Variants in MRPS28 observed in about 807,000 individuals in gnomAD.
MRPS28 encodes mitochondrial ribosomal protein S28, also known as small ribosomal subunit protein bS1m.
Under a neutral mutation model 10.8 loss-of-function variants are expected in MRPS28, and 7 were observed. The observed-to-expected ratio is 0.65, with a 90% confidence interval of 0.37 to 1.22. The LOEUF is 1.22. Ranked by LOEUF, MRPS28 falls within the 50% of genes most tolerant of loss-of-function variation. The pLI is 0.02. For missense variants in MRPS28, 265 were observed against 232.9 expected (o/e 1.14, Z -0.90); for synonymous variants, 121 against 93.3 (o/e 1.30, Z -1.71).
At chr8:79,974,181 A>G (rs1170341082) in intron 2 of MRPS28, among the ~76,000 whole-genome samples, 2 of 152,184 alleles carry the variant, frequency 1.3e-5, no homozygotes, top group African/African-American at 4.8e-5. Flanking sequence ...TTTTGACAGT[A>G]CACCGAAGAA....
intron 2 of MRPS28, chr8:79,957,075 T>C (rs564342981): frequency 6.6e-6 from 1 of 152,310 alleles, no homozygotes; most frequent in South Asian, 2.1e-4. Context: ...TCTATGCTTG[T>C]TTTGTTTGTT....
chr8:79,981,986 C>T (rs1169362407), intron 2 of MRPS28, among the ~76,000 whole-genome samples: 1 of 152,104 alleles, frequency 6.6e-6, no homozygotes, highest in Admixed American at 6.5e-5. Flanking sequence ...TGGCTCATGC[C>T]TGTAATCCCA....
intron 1 of MRPS28, chr8:80,029,834 C>A (rs1211561973): frequency 6.5e-7 from 1 of 1,533,804 alleles, no homozygotes; most frequent in South Asian, 1.2e-5. Context: ...AAATGCCACA[C>A]AAAAGGACAA....
chr8:79,948,910 G>T (rs1045462492), intron 2 of MRPS28, among the ~76,000 whole-genome samples: 1 of 151,852 alleles, frequency 6.6e-6, no homozygotes, highest in South Asian at 2.1e-4. Context: ...AAGGTGTATT[G>T]GTCTACAGCT....
intron 2 of MRPS28, among the ~76,000 whole-genome samples, chr8:79,999,153 T>G (rs1808588402): frequency 6.6e-6 from 1 of 152,238 alleles, no homozygotes; most frequent in African/African-American, 2.4e-5. Context: ...CAGGAAGCTC[T>G]GCTATTATGG....
At chr8:80,027,191 C>T (rs1809513220) in intron 1 of MRPS28, among the ~76,000 whole-genome samples, 1 of 152,202 alleles carries the variant, frequency 6.6e-6, no homozygotes, top group Non-Finnish European at 1.5e-5. Context: ...GGAGAAGAAA[C>T]GGCTGGGGCC....
chr8:79,920,555 T>C (rs1324030802), intron 2 of MRPS28, among the ~76,000 whole-genome samples: 1 of 152,238 alleles, frequency 6.6e-6, no homozygotes, highest in Non-Finnish European at 1.5e-5. Flanking sequence ...ATGGTGAACA[T>C]TTTTTCATGT....
intron 1 of MRPS28, among the ~76,000 whole-genome samples, chr8:80,023,570 G>A (rs147875105): frequency 3.9e-4 from 59 of 152,030 alleles, no homozygotes; most frequent in African/African-American, 1.4e-3. Context: ...AAAAATATTT[G>A]CATGAAATCT....
chr8:79,919,680 A>G (rs1810020305), intron 2 of MRPS28, among the ~76,000 whole-genome samples: 1 of 152,240 alleles, frequency 6.6e-6, no homozygotes. Flanking sequence ...AAACCACAGT[A>G]AACGGAAATT....
chr8:80,027,589 AG>A (rs1014100118), intron 1 of MRPS28, among the ~76,000 whole-genome samples: 2 of 152,252 alleles, frequency 1.3e-5, no homozygotes, highest in Non-Finnish European at 2.9e-5. Flanking sequence ...GCCCAACTTT[AG>A]GAAGATAACT....
chr8:80,017,231 A>G (rs1421947025), intron 1 of MRPS28, among the ~76,000 whole-genome samples: 7 of 152,236 alleles, frequency 4.6e-5, no homozygotes, highest in Non-Finnish European at 8.8e-5. Context: ...AGAAATTTAA[A>G]AATACTTTGA....
At chr8:79,946,516 T>C (rs1806924184) in intron 2 of MRPS28, among the ~76,000 whole-genome samples, 1 of 152,122 alleles carries the variant, frequency 6.6e-6, no homozygotes, top group Admixed American at 6.5e-5. Flanking sequence ...GACCTAGTTA[T>C]TAAAAACATC....
intron 1 of MRPS28, among the ~76,000 whole-genome samples, chr8:80,025,354 T>C (rs771054753): frequency 6.6e-6 from 1 of 152,180 alleles, no homozygotes; most frequent in Admixed American, 6.5e-5. Context: ...TGAGGAAACA[T>C]TGTCATGCAC....
intron 2 of MRPS28, among the ~76,000 whole-genome samples, chr8:80,000,452 C>G (rs1808631229): frequency 6.6e-6 from 1 of 152,112 alleles, no homozygotes. Flanking sequence ...AATTTACTTG[C>G]AAAATTACTA....
At chr8:80,020,959 A>G (rs80239962) in intron 1 of MRPS28, among the ~76,000 whole-genome samples, 2,621 of 152,172 alleles carry the variant, frequency 0.017, 77 homozygotes, top group African/African-American at 0.058. Flanking sequence ...TAAAATGTAT[A>G]TAACAAAAGA....
At chr8:79,944,443 C>T (rs768624243) in intron 2 of MRPS28, among the ~76,000 whole-genome samples, 4 of 152,180 alleles carry the variant, frequency 2.6e-5, no homozygotes, top group East Asian at 1.9e-4. Flanking sequence ...TTAGTTAATA[C>T]ATTTCTATAT....
chr8:80,003,893 C>G (rs1808743798), intron 1 of MRPS28, among the ~76,000 whole-genome samples: 1 of 152,198 alleles, frequency 6.6e-6, no homozygotes, highest in African/African-American at 2.4e-5. Context: ...TCATTGCTAG[C>G]ACAGCAGTCT....
At chr8:79,936,058 T>A (rs7828226) in intron 2 of MRPS28, among the ~76,000 whole-genome samples, 10,635 of 151,592 alleles carry the variant, frequency 0.07, 600 homozygotes, top group African/African-American at 0.15. Context: ...TATAAAAAAA[T>A]TAGAGGGGCC....
intron 2 of MRPS28, among the ~76,000 whole-genome samples, chr8:79,926,757 A>G (rs188698970): frequency 2.0e-5 from 3 of 152,340 alleles, no homozygotes; most frequent in Non-Finnish European, 4.4e-5. Flanking sequence ...GACTTGGTAT[A>G]TCTGTGGGGA....
Sources: gnomAD v4.1 joint callset for allele counts (sites outside exome capture counted in the v4.1 genomes callset) on GRCh38, gnomAD v4.1.1 for gene constraint, MANE v1.5 for transcripts, NCBI Gene and HGNC (gene_info 2026-07-23, HGNC 2026-07-21) for gene names.